SLC27A6: variants seen among roughly 807,000 people sequenced by gnomAD.
The protein encoded by SLC27A6 is long-chain fatty acid transport protein 6.
Under a neutral mutation model 63.9 loss-of-function variants are expected in SLC27A6, and 74 were observed. The observed-to-expected ratio is 1.16, with a 90% confidence interval of 0.96 to 1.40. The LOEUF is 1.40. SLC27A6 is among the 40% of genes most tolerant of loss of function. The pLI is 0.00. For missense variants in SLC27A6, 794 were observed against 732.9 expected (o/e 1.08, Z -0.96); for synonymous variants, 287 against 260.8 (o/e 1.10, Z -0.97).
intron 5 of SLC27A6, among the ~76,000 whole-genome samples, chr5:129,018,688 A>G (rs190741737): frequency 2.7e-4 from 41 of 152,182 alleles, no homozygotes; most frequent in African/African-American, 8.4e-4. Flanking sequence ...AAAGCAACCA[A>G]CAAGGGTATG....
chr5:129,006,619 A>G (rs1356044854), intron 4 of SLC27A6, among the ~76,000 whole-genome samples: 3 of 152,180 alleles, frequency 2.0e-5, no homozygotes, highest in Admixed American at 6.5e-5. Context: ...CATAATTTGA[A>G]TCAAGAAAAC....
chr5:128,982,574 TTAAAG>T (rs1446303795), intron 1 of SLC27A6, among the ~76,000 whole-genome samples: 3 of 152,174 alleles, frequency 2.0e-5, no homozygotes, highest in Admixed American at 6.5e-5. Flanking sequence ...GATTTTGAAA[TTAAAG>T]TAATGAGTCA....
intron 1 of SLC27A6, among the ~76,000 whole-genome samples, chr5:128,975,180 G>A (rs373572256): frequency 6.6e-6 from 1 of 152,142 alleles, no homozygotes; most frequent in South Asian, 2.1e-4. Context: ...GCAAAACCCC[G>A]TCTCTACTAA....
chr5:129,029,507 G>A (rs2577549), intron 8 of SLC27A6, 70 bp from the exon 9 acceptor site: 10 of 1,031,498 alleles, frequency 9.7e-6, no homozygotes, highest in East Asian at 2.4e-5. Context: ...GTGCCAATTA[G>A]CATGTACAGA....
chr5:128,985,028 A>G (rs1166583845), intron 1 of SLC27A6, 105 bp from the exon 2 acceptor site: 36 of 743,778 alleles, frequency 4.8e-5, no homozygotes, highest in Middle Eastern at 3.8e-4. Context: ...GGAAATCAGC[A>G]TTTTATTTAC....
chr5:129,008,667 G>A lies in SLC27A6; in HGVS notation c.970-7218G>A, dbSNP rs142474535. 2.7e-3 allele frequency among the ~76,000 whole-genome samples: 417 copies of A among 152,210 alleles called. 3 individuals are homozygous for A. Among genetic ancestry groups the A allele is most frequent in the African/African-American group, 9.6e-3 (400 of 41,524 alleles). ...AAAATCTGCCATGCCCATAGGAGGC[G>A]GGAACTAGAACAGAACTGCTGTGGG... On this transcript the variant is annotated intron_variant, in intron 4 of 9. Coordinates refer to ENST00000262462, the MANE Select transcript of SLC27A6 (RefSeq NM_001017372.3).
chr5:129,006,069 C>CTTTTTTTTTTTTTTTT (rs1561624835), intron 4 of SLC27A6, among the ~76,000 whole-genome samples: 1 of 64,848 alleles, frequency 1.5e-5, no homozygotes. Context: ...CCTGTGCACA[C>CTTTTTTTTTTTTTTTT]TGTTTTTTTT....
intron 2 of SLC27A6, among the ~76,000 whole-genome samples, chr5:128,987,262 A>C (rs1750821855): frequency 6.6e-6 from 1 of 152,164 alleles, no homozygotes. Flanking sequence ...AATAGCCCAC[A>C]TGTAAAAATT....
At chr5:129,016,861 T>C (rs1043422129) in intron 5 of SLC27A6, among the ~76,000 whole-genome samples, 8 of 152,134 alleles carry the variant, frequency 5.3e-5, no homozygotes, top group Admixed American at 4.6e-4. Context: ...AACCAACTTT[T>C]TAGGAGGAGA....
chr5:128,969,275 A>T (rs1302259591), intron 1 of SLC27A6, among the ~76,000 whole-genome samples: 1 of 152,130 alleles, frequency 6.6e-6, no homozygotes, highest in Non-Finnish European at 1.5e-5. Flanking sequence ...ATGAACTTTA[A>T]AGTAGTTTTT....
intron 9 of SLC27A6, among the ~76,000 whole-genome samples, chr5:129,031,379 T>C (rs1752409006): frequency 6.6e-6 from 1 of 151,998 alleles, no homozygotes; most frequent in African/African-American, 2.4e-5. Context: ...AATTAAAAAA[T>C]GGAAGAAGCC....
chr5:128,984,385 T>C (rs1750714563), intron 1 of SLC27A6, among the ~76,000 whole-genome samples: 1 of 152,218 alleles, frequency 6.6e-6, no homozygotes, highest in Non-Finnish European at 1.5e-5. Context: ...GATATTTTTT[T>C]CCTGGGTTAC....
intron 4 of SLC27A6, among the ~76,000 whole-genome samples, chr5:128,991,373 C>T (rs984375469): frequency 3.3e-5 from 5 of 152,222 alleles, no homozygotes; most frequent in African/African-American, 1.2e-4. Flanking sequence ...AGCTGACTTA[C>T]AAAGATGCGT....
chr5:129,008,633 C>T (rs970486089), intron 4 of SLC27A6, among the ~76,000 whole-genome samples: 6 of 152,174 alleles, frequency 3.9e-5, no homozygotes, highest in African/African-American at 1.4e-4. Context: ...AGTTCCATGC[C>T]AGGCAGGCAA....
intron 1 of SLC27A6, among the ~76,000 whole-genome samples, chr5:128,980,418 T>A (rs1750543120): frequency 6.6e-6 from 1 of 152,216 alleles, no homozygotes; most frequent in Non-Finnish European, 1.5e-5. Flanking sequence ...AGTGTTTGAA[T>A]CCAGATTCTC....
At chr5:129,013,585 T>G (rs1444078903) in intron 4 of SLC27A6, among the ~76,000 whole-genome samples, 2 of 152,110 alleles carry the variant, frequency 1.3e-5, no homozygotes, top group Non-Finnish European at 2.9e-5. Context: ...CCCTCTCTTT[T>G]TAATTTTTAT....
At position 128,988,645 on chromosome 5, in the gene SLC27A6, G is replaced by T; in HGVS notation, c.731G>T (p.Gly244Val). ...ATTAGTCAGCTGCAGGTTTTAAGGG[G>T]TTCTGCTGTCCTGTGGGCTTTTGGT... ...AVISQLQVLR[G>V]SAVLWAFGCT... Residue 244 changes from glycine (G) to valine (V), a missense_variant, in exon 3 of 10, where the codon GGT becomes GTT. Physicochemically the swap from Gly to Val is moderately radical, Grantham distance 109. Transcript: ENST00000262462. 2 of 1,614,016 alleles carry T rather than the reference G, an allele frequency of 1.2e-6. No individual in the cohort carries two copies.
In SLC27A6 at chr5:128,990,412, CTGTGTTTCAG is replaced by C. The variant is rs760936010; in HGVS notation, c.919_928del (p.Val307IlefsTer40). The C allele has an allele frequency of 6.2e-7, 1 of 1,613,728 alleles. No homozygotes were observed. Among genetic ancestry groups the C allele is most frequent in the Non-Finnish European group, 8.5e-7 (1 of 1,179,882 alleles). On this transcript the variant is annotated frameshift_variant, in exon 4 of 10. Transcript: ENST00000262462. LOFTEE classifies it high-confidence loss of function. ...AGTGACTGCAAGAAGTATGATGTGA[CTGTGTTTCAG>C]TATATTGGAGAACTTTGTCGCTACC...
chr5:128,991,278 C>T (rs994138805), intron 4 of SLC27A6, among the ~76,000 whole-genome samples: 6 of 152,202 alleles, frequency 3.9e-5, no homozygotes, highest in Non-Finnish European at 7.3e-5. Flanking sequence ...GGTGCAGTCA[C>T]CTTCCCCAGC....
Sources: gnomAD v4.1 joint callset for allele counts (sites outside exome capture counted in the v4.1 genomes callset) on GRCh38, gnomAD v4.1.1 for gene constraint, MANE v1.5 for transcripts, NCBI Gene and HGNC (gene_info 2026-07-23, HGNC 2026-07-21) for gene names.